Variants in CPNE8 observed in about 807,000 individuals in gnomAD.
CPNE8 encodes the protein copine-8.
A neutral mutation model predicts 81.5 loss-of-function variants in CPNE8; 45 were observed. The ratio of observed to expected loss-of-function variants is 0.55; its 90% CI spans 0.44 to 0.71. The LOEUF (loss-of-function observed/expected upper bound fraction) is 0.71, where lower values mean the gene tolerates loss of function less well. CPNE8 is among the 30% of genes least tolerant of loss of function. The pLI is 0.00. For missense variants in CPNE8, 594 were observed against 672.1 expected (o/e 0.88, Z 1.28); for synonymous variants, 252 against 226.3 (o/e 1.11, Z -1.02).
chr12:38,806,571 C>G lies in CPNE8; in HGVS notation c.407+22808G>C, dbSNP rs1471105424. Among the ~76,000 whole-genome samples the G allele has an allele frequency of 7.3e-4, 109 of 149,810 alleles. 4 individuals carry two copies. The highest frequency in any genetic ancestry group is 1.4e-3 in the Non-Finnish European group (97 of 67,262). ...TCAACAACCCTTCATGCTAAAAACTCTCAATAAATTAGGTACTGATGGGAC... is the reference window on the plus strand; with the variant it reads ...TCAACAACCCTTCATGCTAAAAACTGTCAATAAATTAGGTACTGATGGGAC... On this transcript the variant is annotated intron_variant, in intron 6 of 19. Transcript: ENST00000331366.
intron 6 of CPNE8, among the ~76,000 whole-genome samples, chr12:38,783,500 C>A (rs1020628293): frequency 1.3e-5 from 2 of 152,128 alleles, no homozygotes; most frequent in Non-Finnish European, 2.9e-5. Context: ...AGGTATTGAA[C>A]TCAGTGCTGC....
intron 6 of CPNE8, among the ~76,000 whole-genome samples, chr12:38,803,202 CAA>C (rs1195784802): frequency 1.5e-5 from 1 of 65,052 alleles, no homozygotes; most frequent in African/African-American, 4.7e-5. Context: ...GAGACACAAC[CAA>C]AAAAGAGAAT....
intron 6 of CPNE8, among the ~76,000 whole-genome samples, chr12:38,776,620 C>T (rs867549586): frequency 2.0e-5 from 3 of 152,030 alleles, no homozygotes; most frequent in Middle Eastern, 6.8e-3. Flanking sequence ...CTCAATGAGA[C>T]TAAACTTTCA....
At chr12:38,719,444 A>C (rs1014947545) in intron 13 of CPNE8, among the ~76,000 whole-genome samples, 1 of 151,926 alleles carries the variant, frequency 6.6e-6, no homozygotes, top group Non-Finnish European at 1.5e-5. Context: ...CTCTACTAAA[A>C]ATGCAAAAAT....
intron 3 of CPNE8, among the ~76,000 whole-genome samples, chr12:38,870,356 G>A (rs567988319): frequency 2.1e-4 from 32 of 152,082 alleles, no homozygotes; most frequent in Non-Finnish European, 2.9e-4. Context: ...TGTTTACTGC[G>A]GCACTGTTCA....
chr12:38,699,206 TC>T (rs1207415330), intron 14 of CPNE8, among the ~76,000 whole-genome samples: 1 of 152,192 alleles, frequency 6.6e-6, no homozygotes, highest in Non-Finnish European at 1.5e-5. Context: ...GTTTTGCACT[TC>T]TTTTCTCTTG....
intron 15 of CPNE8, among the ~76,000 whole-genome samples, chr12:38,687,374 CTTTT>C (rs61259310): frequency 1.7e-5 from 1 of 58,658 alleles, no homozygotes; most frequent in Non-Finnish European, 3.6e-5. Flanking sequence ...CCAAGACTTT[CTTTT>C]TTTTTTTTTT....
At chr12:38,727,922 G>C (rs966220174) in intron 11 of CPNE8, among the ~76,000 whole-genome samples, 1 of 152,172 alleles carries the variant, frequency 6.6e-6, no homozygotes, top group Non-Finnish European at 1.5e-5. Flanking sequence ...AGGACTTTAC[G>C]TTGTTGGAGC....
At chr12:38,896,799 A>G (rs1273159599) in intron 1 of CPNE8, among the ~76,000 whole-genome samples, 1 of 152,072 alleles carries the variant, frequency 6.6e-6, no homozygotes, top group East Asian at 1.9e-4. Context: ...ATGCAGCTTT[A>G]TCACTGTCAC....
rs192283699 is a variant in CPNE8 at position 38,762,779 on chromosome 12, G to A, written c.576-563C>T. ...TTCAAGATGGAAGAAATAACAGCAA[G>A]GTTGTCTGGTAAAGGAAAAGATCTG... On this transcript the variant is annotated intron_variant, in intron 8 of 19. Coordinates refer to ENST00000331366, the MANE Select transcript of CPNE8 (RefSeq NM_153634.3). 2.0e-5 allele frequency among the ~76,000 whole-genome samples: 3 copies of A among 152,314 alleles called. No individual in the cohort carries two copies. In the East Asian group the frequency reaches 5.8e-4, roughly 29 times the overall value.
intron 19 of CPNE8, among the ~76,000 whole-genome samples, chr12:38,662,336 A>G (rs566383576): frequency 2.9e-4 from 44 of 152,306 alleles, no homozygotes; most frequent in Admixed American, 8.5e-4. Flanking sequence ...ACATACAACC[A>G]TCAGTGGCAT....
intron 6 of CPNE8, among the ~76,000 whole-genome samples, chr12:38,813,017 G>T (rs1336095157): frequency 6.6e-6 from 1 of 152,140 alleles, no homozygotes; most frequent in Non-Finnish European, 1.5e-5. Flanking sequence ...TGAGAATACG[G>T]CCCACTGGAG....
intron 10 of CPNE8, among the ~76,000 whole-genome samples, chr12:38,741,119 T>G (rs1425806832): frequency 6.6e-6 from 1 of 152,086 alleles, no homozygotes; most frequent in Admixed American, 6.6e-5. Context: ...AGGTAATTTA[T>G]AGATTCAATG....
chr12:38,885,031 A>C (rs1240197984), intron 1 of CPNE8, among the ~76,000 whole-genome samples: 4 of 152,136 alleles, frequency 2.6e-5, no homozygotes, highest in African/African-American at 4.8e-5. Context: ...AAAAATCATC[A>C]ACCACAATCA....
intron 19 of CPNE8, among the ~76,000 whole-genome samples, chr12:38,661,915 G>A (rs971946101): frequency 2.0e-5 from 3 of 148,738 alleles, no homozygotes; most frequent in African/African-American, 7.3e-5. Flanking sequence ...AAAAACACAT[G>A]ATCTCGATAG....
At chr12:38,811,298 A>G (rs1942930405) in intron 6 of CPNE8, among the ~76,000 whole-genome samples, 1 of 152,194 alleles carries the variant, frequency 6.6e-6, no homozygotes, top group South Asian at 2.1e-4. Context: ...AAAATAGATT[A>G]TTACAGAACA....
chr12:38,682,094 C>T (rs1324276856), intron 16 of CPNE8, among the ~76,000 whole-genome samples: 1 of 152,070 alleles, frequency 6.6e-6, no homozygotes, highest in Non-Finnish European at 1.5e-5. Flanking sequence ...GTGGCACATA[C>T]CAGTATTCCC....
chr12:38,876,191 T>G (rs1319403832), intron 1 of CPNE8, among the ~76,000 whole-genome samples: 1 of 152,162 alleles, frequency 6.6e-6, no homozygotes, highest in Non-Finnish European at 1.5e-5. Context: ...AAATAAAGGA[T>G]TTCTATAAAC....
Position 38,702,939 on chromosome 12 carries a change from A to G in CPNE8, c.915-18T>C, listed in dbSNP as rs1453652307. The G allele has an allele frequency of 2.6e-6, 4 of 1,525,068 alleles. No individual in the cohort carries two copies. The highest frequency in any genetic ancestry group is 3.6e-6 in the Non-Finnish European group (4 of 1,120,888). The allele number at this position is 1,525,068 out of a possible 1,614,324, so 94.5% of individuals were successfully genotyped here. On this transcript the variant is annotated intron_variant, in intron 13 of 19. Transcript: ENST00000331366. ...TTTGCGTCCTGGAATAGAAGTAAAC[A>G]AGACTCATTAATAATGAAATAACCT... is the stretch of plus-strand genomic sequence containing the variant.
Sources: gnomAD v4.1 joint callset for allele counts (sites outside exome capture counted in the v4.1 genomes callset) on GRCh38, gnomAD v4.1.1 for gene constraint, MANE v1.5 for transcripts, NCBI Gene and HGNC (gene_info 2026-07-23, HGNC 2026-07-21) for gene names.